The following EXOC6B variants were observed in gnomAD, a reference collection of about 807,000 sequenced individuals.
EXOC6B encodes exocyst complex component 6B.
EXOC6B carries 54 observed loss-of-function variants against 113.5 expected under a neutral mutation model. The ratio of observed to expected loss-of-function variants is 0.48; its 90% CI spans 0.38 to 0.60. The LOEUF is 0.60. EXOC6B is among the 20% of genes least tolerant of loss of function. The pLI is 0.00. For synonymous variants in EXOC6B, 357 were observed against 339.0 expected, an observed-to-expected ratio of 1.05 and a Z score of -0.58; for missense variants, 797 against 977.5, an observed-to-expected ratio of 0.82 and a Z score of 2.46.
At chr2:72,690,078 T>C (rs905728880) in intron 6 of EXOC6B, among the ~76,000 whole-genome samples, 3 of 152,232 alleles carry the variant, frequency 2.0e-5, no homozygotes, top group African/African-American at 7.2e-5. Context: ...CACTTATTTT[T>C]CTGCCTATGA....
In EXOC6B at chr2:72,179,330, AC is replaced by A; in HGVS notation, c.*4del. ...AGGTCGCCTCTGTGGGTCCGGGGTC[AC>A]CCTTCATGAGTGGTGGCTGCTGATG... On this transcript the variant is annotated 3_prime_UTR_variant, in exon 22 of 22. Transcript: ENST00000272427. 6.2e-7 allele frequency: 1 copy of A among 1,600,980 alleles called. No homozygotes were observed. The highest frequency in any genetic ancestry group is 8.5e-7 in the Non-Finnish European group (1 of 1,172,762).
chr2:72,603,423 A>G (rs1229562289), intron 6 of EXOC6B, among the ~76,000 whole-genome samples: 1 of 152,052 alleles, frequency 6.6e-6, no homozygotes, highest in Non-Finnish European at 1.5e-5. Flanking sequence ...TCTATTATAA[A>G]TAGTCAAGGA....
chr2:72,591,624 C>T (rs901493682), intron 6 of EXOC6B, among the ~76,000 whole-genome samples: 63 of 152,152 alleles, frequency 4.1e-4, no homozygotes, highest in African/African-American at 1.5e-3. Context: ...TATACACTCA[C>T]ACAAACTTCT....
chr2:72,790,215 G>A (rs1684599494), intron 1 of EXOC6B, among the ~76,000 whole-genome samples: 1 of 152,166 alleles, frequency 6.6e-6, no homozygotes, highest in South Asian at 2.1e-4. Context: ...AACCTTTGGT[G>A]AGATAATTCT....
intron 6 of EXOC6B, among the ~76,000 whole-genome samples, chr2:72,685,264 T>G (rs753287746): frequency 6.6e-6 from 1 of 152,166 alleles, no homozygotes. Context: ...AAAAAAAAAG[T>G]AAACTTTGAT....
In EXOC6B at chr2:72,713,107, C is replaced by T. The variant is rs139760092; in HGVS notation, c.669+4996G>A. The stretch of plus-strand genomic sequence containing the variant: ...CATTGAAGTTTAATTAGGGTAGAAC[C>T]CTTTAGTGATGTTTTGGCTGATATA... On this transcript the variant is annotated intron_variant, in intron 6 of 21. Coordinates refer to ENST00000272427, the MANE Select transcript of EXOC6B (RefSeq NM_015189.3). 1.5e-3 allele frequency among the ~76,000 whole-genome samples: 233 copies of T among 152,078 alleles called. 1 individual carries two copies. Among genetic ancestry groups the T allele is most frequent in the Non-Finnish European group, 2.2e-3 (149 of 68,004 alleles).
At position 72,773,120 on chromosome 2, in the gene EXOC6B, C is replaced by CTTTTTTTTTTTTTT. The variant is rs1254377634; in HGVS notation, c.114-31665_114-31652dup. Among the ~76,000 whole-genome samples the CTTTTTTTTTTTTTT allele has an allele frequency of 5.9e-4, 56 of 94,890 alleles. 6 individuals carry two copies. Among genetic ancestry groups the CTTTTTTTTTTTTTT allele is most frequent in the African/African-American group, 2.5e-3 (53 of 21,322 alleles). The allele number at this position is 94,890 out of a possible 152,430, so 62.3% of individuals were successfully genotyped here. On this transcript the variant is annotated intron_variant, in intron 1 of 21. Transcript: ENST00000272427. ...GCTAAGACAGTAGACCTTAGATTTT[C>CTTTTTTTTTTTTTT]TTTTTTTTTTTTTTTTTTTTTTGTG...
At chr2:72,690,576 C>G (rs77533533) in intron 6 of EXOC6B, among the ~76,000 whole-genome samples, 1 of 152,102 alleles carries the variant, frequency 6.6e-6, no homozygotes, top group Non-Finnish European at 1.5e-5. Context: ...ACTAACTTAC[C>G]AAATGCAGTA....
At chr2:72,686,131 C>T (rs1677073861) in intron 6 of EXOC6B, among the ~76,000 whole-genome samples, 1 of 152,146 alleles carries the variant, frequency 6.6e-6, no homozygotes. Context: ...CCCCAATTTT[C>T]TCCGGACAGA....
chr2:72,485,456 A>C (rs188090471), intron 16 of EXOC6B, among the ~76,000 whole-genome samples: 104 of 152,328 alleles, frequency 6.8e-4, no homozygotes, highest in African/African-American at 2.4e-3. Flanking sequence ...AAAATGAAAT[A>C]GTAGCATTGG....
At chr2:72,699,135 G>T (rs1463458097) in intron 6 of EXOC6B, among the ~76,000 whole-genome samples, 1 of 152,130 alleles carries the variant, frequency 6.6e-6, no homozygotes, top group Non-Finnish European at 1.5e-5. Flanking sequence ...GCTACAGATA[G>T]CTCCCTTCTC....
intron 20 of EXOC6B, among the ~76,000 whole-genome samples, chr2:72,306,991 T>G (rs778676027): frequency 1.3e-5 from 2 of 152,172 alleles, no homozygotes; most frequent in African/African-American, 2.4e-5. Context: ...ATAATTTACT[T>G]CATATGATAA....
chr2:72,349,113 T>C (rs1689503285), intron 19 of EXOC6B, among the ~76,000 whole-genome samples: 1 of 152,142 alleles, frequency 6.6e-6, no homozygotes, highest in Non-Finnish European at 1.5e-5. Context: ...AGGCCAAACA[T>C]GTAAGTTCTC....
At chr2:72,768,056 A>G (rs1056457988) in intron 1 of EXOC6B, among the ~76,000 whole-genome samples, 1 of 146,412 alleles carries the variant, frequency 6.8e-6, no homozygotes, top group African/African-American at 2.5e-5. Flanking sequence ...GGCAGAGGTT[A>G]CAGTGAGTTG....
intron 18 of EXOC6B, among the ~76,000 whole-genome samples, chr2:72,405,375 G>C (rs1027857450): frequency 6.6e-6 from 1 of 152,092 alleles, no homozygotes; most frequent in Non-Finnish European, 1.5e-5. Flanking sequence ...CTCCTGGAGA[G>C]GAGCAACTCC....
chr2:72,611,372 A>C (rs565907079), intron 6 of EXOC6B, among the ~76,000 whole-genome samples: 64 of 152,174 alleles, frequency 4.2e-4, no homozygotes, highest in African/African-American at 1.5e-3. Flanking sequence ...AAAAACAAAA[A>C]AAGGCTTGTC....
intron 8 of EXOC6B, among the ~76,000 whole-genome samples, chr2:72,547,634 A>C (rs1254464580): frequency 6.6e-6 from 1 of 152,208 alleles, no homozygotes; most frequent in East Asian, 1.9e-4. Flanking sequence ...GTGAGGAGTG[A>C]ACTGAAAGCA....
chr2:72,184,019 A>G, intron 21 of EXOC6B, 56 bp downstream of exon 21: 2 of 996,918 alleles, frequency 2.0e-6, no homozygotes, highest in Middle Eastern at 2.2e-4. Context: ...TTCTACGCCA[A>G]CCCCCAATCC....
chr2:72,429,928 A>T (rs1422985587), intron 18 of EXOC6B, among the ~76,000 whole-genome samples: 1 of 152,224 alleles, frequency 6.6e-6, no homozygotes, highest in African/African-American at 2.4e-5. Context: ...TCTTGGATGA[A>T]GGAATAATTA....
Sources: gnomAD v4.1 joint callset for allele counts (sites outside exome capture counted in the v4.1 genomes callset) on GRCh38, gnomAD v4.1.1 for gene constraint, MANE v1.5 for transcripts, NCBI Gene and HGNC (gene_info 2026-07-23, HGNC 2026-07-21) for gene names.